OFD1: variants seen among roughly 807,000 people sequenced by gnomAD.
The protein encoded by OFD1 is centriole and centriolar satellite protein OFD1.
OFD1 carries 12 observed loss-of-function variants against 81.4 expected under a neutral mutation model. The observed-to-expected ratio is 0.15, with a 90% CI of 0.09 to 0.24. OFD1 has a LOEUF of 0.24. OFD1 is among the 10% of genes least tolerant of loss of function. OFD1 has a pLI of 1.00. For missense variants in OFD1, 685 were observed against 733.9 expected, an observed-to-expected ratio of 0.93 and a Z score of 0.77; for synonymous variants, 256 against 263.7, an observed-to-expected ratio of 0.97 and a Z score of 0.28.
intron 19 of OFD1, among the ~76,000 whole-genome samples, chrX:13,764,129 A>AT (rs1469358340): frequency 1.5e-4 from 17 of 111,710 alleles, no homozygotes; most frequent in African/African-American, 5.5e-4. Context: ...AAGTGTTTTC[A>AT]TTTACTCTTC....
At chrX:13,726,764 C>G in the OFD1 span, among the ~76,000 whole-genome samples, 3 of 111,487 alleles carry the variant, frequency 2.7e-5, no homozygotes, top group African/African-American at 9.8e-5. Flanking sequence ...CAATATTAAC[C>G]TTAAATGTAA....
intron 6 of OFD1, 42 bp downstream of exon 6, chrX:13,744,561 C>A: frequency 1.2e-6 from 1 of 818,356 alleles, no homozygotes; most frequent in Non-Finnish European, 1.9e-6. Flanking sequence ...CTGCTGTTTT[C>A]ATTTTGAATG....
At chrX:13,765,237 A>G (rs1252711043) in intron 19 of OFD1, among the ~76,000 whole-genome samples, 2 of 110,599 alleles carry the variant, frequency 1.8e-5, no homozygotes, top group Non-Finnish European at 3.8e-5. Context: ...TGCCCCGTGG[A>G]CATGCTTCCT....
chrX:13,721,386 G>A, the OFD1 span: 4 of 112,532 alleles, frequency 3.6e-5, no homozygotes, highest in African/African-American at 1.3e-4. Flanking sequence ...ACCCAGTACA[G>A]TGTCTGACCC....
chrX:13,715,874 T>G, the OFD1 span: 16 of 1,029,676 alleles, frequency 1.6e-5, no homozygotes, highest in African/African-American at 2.5e-4. Context: ...TTGCCAGAGA[T>G]AGTTCTGATG....
chrX:13,734,103 C>T, upstream of OFD1: 1 of 513,468 alleles, frequency 1.9e-6, no homozygotes, highest in Non-Finnish European at 3.5e-6. Context: ...TGGATCTCAA[C>T]CCGGAGCGAT....
Position 13,767,187 on chromosome X carries a change from T to C in OFD1, c.2660T>C (p.Val887Ala). 8.3e-7 allele frequency: 1 copy of C among 1,209,500 alleles called. No homozygotes were observed. Among genetic ancestry groups the C allele is most frequent in the Non-Finnish European group, 1.1e-6 (1 of 893,871 alleles). ...KEEEKIREQQ[V>A]KERRQREERR... Reference sequence around the variant, plus strand: ...GAAGAAAAAATACGGGAACAGCAAGTGAAAGAACGAAGGCAGAGAGAAGAA... The same window carrying C: ...GAAGAAAAAATACGGGAACAGCAAGCGAAAGAACGAAGGCAGAGAGAAGAA... The change falls in exon 20 of 23, where the codon GTG (valine) becomes GCG (alanine). Residue 887 changes from valine to alanine, a missense_variant. Val to Ala is a moderately conservative substitution (Grantham distance 64). Transcript: ENST00000340096.
At chrX:13,752,321 CA>C (rs1569132962) in intron 10 of OFD1, among the ~76,000 whole-genome samples, 4 of 112,181 alleles carry the variant, frequency 3.6e-5, no homozygotes, top group Non-Finnish European at 7.5e-5. Context: ...AAGCATCTGG[CA>C]CATAAAAAGT....
intron 19 of OFD1, among the ~76,000 whole-genome samples, chrX:13,766,742 G>A: frequency 9.0e-6 from 1 of 110,830 alleles, no homozygotes; most frequent in Non-Finnish European, 1.9e-5. Flanking sequence ...TACAGAAATA[G>A]GGATTAATGG....
intron 5 of OFD1, chrX:13,739,319 TAAC>T (rs1835966966): frequency 3.4e-6 from 1 of 296,809 alleles, no homozygotes; most frequent in African/African-American, 2.8e-5. Context: ...AAAAAACTAA[TAAC>T]TTTTAGGCCA....
rs1444891027 is a variant in OFD1, at chrX:13,755,214, A to T, written c.1193A>T (p.Gln398Leu). Residue 398 changes from glutamine (Q) to leucine (L), a missense_variant, in exon 12 of 23, where the codon CAA becomes CTA. Gln to Leu is a moderately radical substitution (Grantham distance 113, BLOSUM62 -2). Around this residue, in one of 3 missense-constraint regions of OFD1, gnomAD observed 414 missense variants for 447.2 expected, o/e 0.93. Transcript: ENST00000340096. ...AATTCAAAAAAGGAGGAACTCAATC[A>T]ATCTGTAAATCGTGTGAAAGAACTT... Reference protein sequence around the residue: ...AINSKKEELNQSVNRVKELEL... With the variant: ...AINSKKEELNLSVNRVKELEL... 3.3e-6 allele frequency: 4 copies of T among 1,195,751 alleles called. No individual in the cohort carries two copies. Among genetic ancestry groups the T allele is most frequent in the Non-Finnish European group, 4.5e-6 (4 of 881,716 alleles).
Position 13,736,508 on chromosome X carries a change from T to A in OFD1, c.142T>A (p.Leu48Met). The change falls in exon 3 of 23, where the codon TTG becomes ATG. Residue 48 changes from leucine (L) to methionine (M), a missense_variant. Coordinates refer to ENST00000340096, the MANE Select transcript of OFD1 (RefSeq NM_003611.3). Reference sequence around the variant, plus strand: ...ACTTCGAAACCAGCTAATTCATGAGTTGATGCACCCTGTATTGAGTGGAGA... The same window carrying A: ...ACTTCGAAACCAGCTAATTCATGAGATGATGCACCCTGTATTGAGTGGAGA... ...TQLRNQLIHELMHPVLSGELQ... is the reference protein window; with the variant it reads ...TQLRNQLIHEMMHPVLSGELQ... The A allele has an allele frequency of 8.3e-7, 1 of 1,211,589 alleles. No homozygotes were observed. The highest frequency in any genetic ancestry group is 1.1e-6 in the Non-Finnish European group (1 of 895,205).
chrX:13,719,750 G>A, the OFD1 span: 1 of 532,864 alleles, frequency 1.9e-6, no homozygotes. Context: ...ATCAGTCTGT[G>A]GGCTCCTGAG....
At chrX:13,745,019 T>C (rs1271387617) in intron 6 of OFD1, among the ~76,000 whole-genome samples, 1 of 112,128 alleles carries the variant, frequency 8.9e-6, no homozygotes, top group African/African-American at 3.2e-5. Context: ...GAGCTTTTTG[T>C]ACTATCCAGC....
intron 14 of OFD1, 46 bp downstream of exon 14, chrX:13,757,836 C>T (rs766267181): frequency 5.1e-6 from 6 of 1,179,098 alleles, no homozygotes; most frequent in Non-Finnish European, 6.9e-6. Flanking sequence ...CAGTACACTT[C>T]ATAGTTACGT....
At chrX:13,758,102 G>C (rs750225333) in intron 14 of OFD1, among the ~76,000 whole-genome samples, 1 of 110,880 alleles carries the variant, frequency 9.0e-6, no homozygotes, top group Non-Finnish European at 1.9e-5. Context: ...ACTGTCTTCT[G>C]ATTTCTGCCT....
chrX:13,744,891 A>G (rs959457650), intron 6 of OFD1, among the ~76,000 whole-genome samples: 39 of 112,521 alleles, frequency 3.5e-4, no homozygotes, highest in African/African-American at 1.2e-3. Context: ...GAAGTCAGTG[A>G]CTTATCACTT....
chrX:13,771,363 C>T (rs2048294830), downstream of OFD1: 1 of 104,797 alleles, frequency 9.5e-6, no homozygotes, highest in Admixed American at 1.1e-4. Flanking sequence ...AACTGTTCTA[C>T]ACAGAAGAGA....
chrX:13,735,376 T>C (rs2046818209), intron 2 of OFD1, 30 bp downstream of exon 2: 2 of 1,082,103 alleles, frequency 1.8e-6, no homozygotes, highest in Non-Finnish European at 2.6e-6. Flanking sequence ...CTGTGTCAGC[T>C]TTTACAAGTG....
Sources: allele counts gnomAD v4.1 joint callset (sites outside exome capture counted in the v4.1 genomes callset), GRCh38; gene constraint gnomAD v4.1.1; regional missense constraint gnomAD v4.1.1; transcripts MANE v1.5; gene names NCBI Gene and HGNC (gene_info 2026-07-23, HGNC 2026-07-21).